Variants in RBM19 observed in about 807,000 individuals in gnomAD.
RBM19 encodes probable RNA-binding protein 19.
Under a neutral mutation model 116.8 loss-of-function variants are expected in RBM19, and 94 were observed. The observed-to-expected ratio is 0.80, with a 90% CI of 0.68 to 0.95. The LOEUF (loss-of-function observed/expected upper bound fraction) is 0.95, where lower values mean the gene tolerates loss of function less well. RBM19 is among the 40% of genes least tolerant of loss of function. RBM19 has a pLI of 0.00. For missense variants in RBM19, 1,161 were observed against 1,220.7 expected (o/e 0.95, Z 0.73); for synonymous variants, 475 against 494.1 (o/e 0.96, Z 0.51).
chr12:113,953,905 C>T (rs919635349), intron 7 of RBM19, among the ~76,000 whole-genome samples: 1 of 152,246 alleles, frequency 6.6e-6, no homozygotes, highest in African/African-American at 2.4e-5. Flanking sequence ...GATTAAATGG[C>T]TTACAAAGCC....
At chr12:113,951,391 C>G (rs893562223) in intron 8 of RBM19, among the ~76,000 whole-genome samples, 3 of 152,088 alleles carry the variant, frequency 2.0e-5, no homozygotes, top group African/African-American at 7.2e-5. Context: ...ACCAAGGGTA[C>G]CAGCACCATC....
At chr12:113,843,427 G>A (rs949116815) in intron 23 of RBM19, among the ~76,000 whole-genome samples, 8 of 152,156 alleles carry the variant, frequency 5.3e-5, no homozygotes, top group South Asian at 2.1e-4. Flanking sequence ...ATGCGGTGGC[G>A]TGCCAGGAAG....
At chr12:113,844,127 A>C (rs958722265) in intron 23 of RBM19, among the ~76,000 whole-genome samples, 2 of 152,232 alleles carry the variant, frequency 1.3e-5, no homozygotes, top group Non-Finnish European at 2.9e-5. Context: ...ATAGTCACTG[A>C]GGCCACATGA....
intron 22 of RBM19, among the ~76,000 whole-genome samples, chr12:113,845,718 C>T (rs1304542342): frequency 6.6e-6 from 1 of 152,158 alleles, no homozygotes; most frequent in Non-Finnish European, 1.5e-5. Flanking sequence ...CCGTCTTAAA[C>T]ATCGCTAGGT....
rs2135879282 is a variant in RBM19 at position 113,927,349 on chromosome 12, T to C, written c.2069-120A>G. On this transcript the variant is annotated intron_variant, in intron 16 of 23. Transcript: ENST00000261741. ...CCACTAGGTAAAGGGGTTCTGCCTC[T>C]GCGGGCAGTGGCAGGAAGGGGCACC... The C allele has an allele frequency of 4.8e-6, 6 of 1,258,830 alleles. No homozygotes were observed. In the East Asian group the frequency reaches 1.5e-4, roughly 32 times the overall value. 78.0% of individuals were successfully genotyped at this position (1,258,830 alleles called of 1,614,324 possible). A position where few individuals can be genotyped will look rare whatever the true frequency, so the allele number is the denominator to read the frequency against.
chr12:113,959,156 G>A, intron 5 of RBM19, 56 bp downstream of exon 5: 1 of 1,558,006 alleles, frequency 6.4e-7, no homozygotes. Flanking sequence ...GTGCCGGTTA[G>A]CCCAATGGCA....
chr12:113,959,939 A>C lies in RBM19; in HGVS notation c.340-36T>G, dbSNP rs764491900. On this transcript the variant is annotated intron_variant, in intron 3 of 23. Transcript: ENST00000261741. The stretch of plus-strand genomic sequence containing the variant: ...AAGGCACAGAGAGTGAGGGTCACAC[A>C]GATGAAGAGAGCTGGGAAACAGAAC... 3 of 1,613,936 alleles carry C rather than the reference A, an allele frequency of 1.9e-6. No individual in the cohort carries two copies. In the African/African-American group the frequency reaches 4.0e-5, roughly 22 times the overall value.
intron 22 of RBM19, among the ~76,000 whole-genome samples, chr12:113,854,091 A>C (rs1877687973): frequency 6.6e-6 from 1 of 152,160 alleles, no homozygotes; most frequent in South Asian, 2.1e-4. Context: ...CTTTGGAATT[A>C]GATTTTTCCC....
At chr12:113,916,749 G>A (rs897446149) in intron 20 of RBM19, among the ~76,000 whole-genome samples, 2 of 152,202 alleles carry the variant, frequency 1.3e-5, no homozygotes, top group Non-Finnish European at 2.9e-5. Context: ...CCATGTGAGT[G>A]TATCATCTTA....
At chr12:113,874,827 A>G (rs908252038) in intron 21 of RBM19, among the ~76,000 whole-genome samples, 6 of 152,254 alleles carry the variant, frequency 3.9e-5, no homozygotes, top group African/African-American at 1.4e-4. Flanking sequence ...TCCTCTTGGC[A>G]AAAGGCCAAA....
intron 22 of RBM19, among the ~76,000 whole-genome samples, chr12:113,851,787 C>T (rs148786779): frequency 0.07 from 10,525 of 150,276 alleles, 655 homozygotes; most frequent in East Asian, 0.34. Flanking sequence ...CGGTGGCTCA[C>T]GCCTGTAATC....
In RBM19 at chr12:113,957,764, T is replaced by G. The variant is rs1210402253; in HGVS notation, c.840+18A>C. On this transcript the variant is annotated intron_variant, in intron 6 of 23. Transcript: ENST00000261741. The stretch of plus-strand genomic sequence containing the variant: ...AGAGCGCACCTCCTCCCTCATCACC[T>G]GCGGGATACACACGCACCTCGGCTC... The G allele has an allele frequency of 2.3e-5, 35 of 1,553,644 alleles. No individual in the cohort carries two copies. The highest frequency in any genetic ancestry group is 2.9e-5 in the Non-Finnish European group (33 of 1,149,210).
chr12:113,837,486 GA>G (rs1333320208), intron 23 of RBM19, among the ~76,000 whole-genome samples: 1 of 152,236 alleles, frequency 6.6e-6, no homozygotes, highest in Non-Finnish European at 1.5e-5. Context: ...GATGTGCCAG[GA>G]GCTGTGCGCC....
chr12:113,937,251 A>G, intron 15 of RBM19, 115 bp from the exon 16 acceptor site: 1 of 1,335,712 alleles, frequency 7.5e-7, no homozygotes, highest in South Asian at 1.4e-5. Context: ...CAACTCACCC[A>G]AGAATGGAGC....
At chr12:113,821,773 C>T (rs953220676), downstream of RBM19, among the ~76,000 whole-genome samples, 7 of 152,126 alleles carry the variant, frequency 4.6e-5, no homozygotes, top group East Asian at 1.9e-4. Context: ...GGCTGGGGAA[C>T]GAGCCATTCT....
At chr12:113,843,250 G>T (rs1199262934) in intron 23 of RBM19, among the ~76,000 whole-genome samples, 1 of 152,196 alleles carries the variant, frequency 6.6e-6, no homozygotes, top group African/African-American at 2.4e-5. Context: ...TCTACGCAGA[G>T]AAGTGGGGTT....
intron 3 of RBM19, 56 bp downstream of exon 3, chr12:113,960,002 AG>A: frequency 1.9e-6 from 3 of 1,614,026 alleles, no homozygotes; most frequent in Non-Finnish European, 2.5e-6. Flanking sequence ...GGGAACCAAA[AG>A]TGAGTGACTA....
At chr12:113,872,405 C>T (rs1436185155) in intron 21 of RBM19, among the ~76,000 whole-genome samples, 30 of 144,834 alleles carry the variant, frequency 2.1e-4, no homozygotes, top group Admixed American at 2.0e-3. Context: ...GGGGGGTCAG[C>T]CCTCCGCCCG....
chr12:113,891,387 T>C (rs573116705), intron 21 of RBM19, among the ~76,000 whole-genome samples: 1 of 152,196 alleles, frequency 6.6e-6, no homozygotes, highest in Non-Finnish European at 1.5e-5. Context: ...ACAAAGAGTG[T>C]GGTCAGCACT....
Sources: allele counts gnomAD v4.1 joint callset (sites outside exome capture counted in the v4.1 genomes callset), GRCh38; gene constraint gnomAD v4.1.1; transcripts MANE v1.5; gene names NCBI Gene and HGNC (gene_info 2026-07-23, HGNC 2026-07-21).